TBXAS1: variants seen among roughly 807,000 people sequenced by gnomAD.
TBXAS1 encodes thromboxane-A synthase.
TBXAS1 carries 48 observed loss-of-function variants against 60.7 expected under a neutral mutation model. The ratio of observed to expected loss-of-function variants is 0.79; its 90% CI spans 0.63 to 1.01. The LOEUF (loss-of-function observed/expected upper bound fraction) is 1.01, where lower values mean the gene tolerates loss of function less well. Ranked by LOEUF, TBXAS1 falls within the 50% of genes least tolerant of loss-of-function variation. The pLI is 0.00. For synonymous variants in TBXAS1, 287 were observed against 269.7 expected, an observed-to-expected ratio of 1.06 and a Z score of -0.63; for missense variants, 685 against 686.3, an observed-to-expected ratio of 1.00 and a Z score of 0.02.
At chr7:139,992,047 C>T (rs566133381) in intron 9 of TBXAS1, among the ~76,000 whole-genome samples, 188 of 152,286 alleles carry the variant, frequency 1.2e-3, no homozygotes, top group African/African-American at 4.3e-3. Context: ...CCCCAACGCC[C>T]AGCCAAGGGA....
At chr7:139,888,882 T>C (rs533218061) in intron 3 of TBXAS1, among the ~76,000 whole-genome samples, 1 of 151,800 alleles carries the variant, frequency 6.6e-6, no homozygotes, top group Admixed American at 6.6e-5. Flanking sequence ...TAAAGAAAGT[T>C]GTGCAGGTAT....
intron 11 of TBXAS1, among the ~76,000 whole-genome samples, chr7:140,016,105 G>T (rs927599501): frequency 1.3e-5 from 2 of 152,122 alleles, no homozygotes; most frequent in Non-Finnish European, 2.9e-5. Context: ...AAGGTGGGCA[G>T]ATCACGAGGT....
At position 139,995,898 on chromosome 7, in the gene TBXAS1, C is replaced by T. The variant is rs576770855; in HGVS notation, c.1135-11193C>T. On this transcript the variant is annotated intron_variant, in intron 9 of 12. Coordinates refer to ENST00000448866, the MANE Select transcript of TBXAS1 (RefSeq NM_001061.7). ...TAGAAGCAGTCTGCCAGTCTCCCCT[C>T]GCTCCCTCTCATTCATCCCCTCTCT... Among the ~76,000 whole-genome samples the T allele has an allele frequency of 4.6e-5, 7 of 152,286 alleles. No homozygotes were observed. The South Asian group carries it at 1.0e-3, about 23-fold the overall frequency.
intron 1 of TBXAS1, among the ~76,000 whole-genome samples, chr7:139,856,925 G>A (rs756706660): frequency 2.6e-4 from 40 of 152,150 alleles, no homozygotes; most frequent in Admixed American, 5.2e-4. Flanking sequence ...CACCAATGGA[G>A]GCTTTGAAAA....
intron 9 of TBXAS1, among the ~76,000 whole-genome samples, chr7:139,963,676 C>T (rs933457859): frequency 2.0e-5 from 3 of 152,146 alleles, no homozygotes; most frequent in African/African-American, 7.2e-5. Flanking sequence ...GGAAGCGAGG[C>T]AATCTATTAG....
chr7:139,945,328 G>T (rs760979543), intron 5 of TBXAS1, among the ~76,000 whole-genome samples: 4 of 152,210 alleles, frequency 2.6e-5, no homozygotes, highest in Admixed American at 6.5e-5. Flanking sequence ...CCTTCATTTA[G>T]GGATGAGGAC....
chr7:139,955,398 G>C, intron 6 of TBXAS1, 61 bp from the exon 7 acceptor site: 1 of 1,610,110 alleles, frequency 6.2e-7, no homozygotes, highest in Non-Finnish European at 8.5e-7. Flanking sequence ...CTCTGGAGGG[G>C]GCCATTGTGG....
intron 4 of TBXAS1, among the ~76,000 whole-genome samples, chr7:139,813,322 C>G (rs1176820645): frequency 6.6e-6 from 1 of 152,134 alleles, no homozygotes; most frequent in African/African-American, 2.4e-5. Context: ...CCTCCACTGA[C>G]TACTGCAGAC....
chr7:139,872,105 A>T, intron 1 of TBXAS1, 130 bp from the exon 2 acceptor site: 2 of 910,708 alleles, frequency 2.2e-6, no homozygotes, highest in Admixed American at 2.0e-5. Context: ...TTTGGTTCTT[A>T]GATGTGGTGA....
intron 3 of TBXAS1, among the ~76,000 whole-genome samples, chr7:139,885,306 G>T (rs553774150): frequency 1.3e-5 from 2 of 152,302 alleles, no homozygotes; most frequent in Admixed American, 6.5e-5. Context: ...CTCAATTAAA[G>T]TTGCATAAAA....
At chr7:139,881,340 A>G (rs980650852) in intron 3 of TBXAS1, among the ~76,000 whole-genome samples, 2 of 152,098 alleles carry the variant, frequency 1.3e-5, no homozygotes, top group African/African-American at 4.8e-5. Context: ...TCCACCAAGG[A>G]TATTTTTTCA....
At chr7:139,813,605 G>C (rs1045375434) in intron 4 of TBXAS1, among the ~76,000 whole-genome samples, 1 of 152,138 alleles carries the variant, frequency 6.6e-6, no homozygotes, top group African/African-American at 2.4e-5. Flanking sequence ...TCGGACCTTT[G>C]GTTGGGTCCC....
chr7:139,816,542 C>T (rs1798153901), intron 4 of TBXAS1, among the ~76,000 whole-genome samples: 1 of 152,126 alleles, frequency 6.6e-6, no homozygotes, highest in Non-Finnish European at 1.5e-5. Context: ...TTCTAATGCA[C>T]AGGTAGGGTT....
intron 5 of TBXAS1, among the ~76,000 whole-genome samples, chr7:139,950,658 T>TCCCTCACCCTCCATCTACGGGATC (rs1809139101): frequency 2.4e-5 from 3 of 122,718 alleles, no homozygotes; most frequent in Non-Finnish European, 5.2e-5. Flanking sequence ...TCTACAGGAC[T>TCCCTCACCCTCCATCTACGGGATC]CCCTCACCCT....
chr7:140,014,156 C>A (rs758646388), intron 10 of TBXAS1, among the ~76,000 whole-genome samples: 2 of 152,076 alleles, frequency 1.3e-5, no homozygotes, highest in East Asian at 1.9e-4. Flanking sequence ...CAATGAGAGA[C>A]GAGAATCTAA....
chr7:139,984,662 GGAAAGAAAGAAGAAAAGAAGAA>G (rs1244649888), intron 9 of TBXAS1, among the ~76,000 whole-genome samples: 15 of 120,676 alleles, frequency 1.2e-4, no homozygotes, highest in African/African-American at 1.5e-4. Flanking sequence ...AAGGGAAGGG[GGAAAGAAAGAAGAAAAGAAGAA>G]GAAAGAAAGA....
rs893404218 is a variant in TBXAS1 at position 139,916,251 on chromosome 7, G to A, written c.333+4930G>A. On this transcript the variant is annotated intron_variant, in intron 4 of 12. Coordinates refer to ENST00000448866, the MANE Select transcript of TBXAS1 (RefSeq NM_001061.7). The surrounding 1 kb of genome is among the most constrained non-coding windows in gnomAD (Gnocchi z 4.2). ...TCTTGGCCTCCTATCAAGGCCTAGAGTTAGGGAGCTGTGGGAAGGGTGATA... is the reference window on the plus strand; with the variant it reads ...TCTTGGCCTCCTATCAAGGCCTAGAATTAGGGAGCTGTGGGAAGGGTGATA... 6.6e-6 allele frequency among the ~76,000 whole-genome samples: 1 copy of A among 152,164 alleles called. No individual in the cohort carries two copies. The highest frequency in any genetic ancestry group is 1.5e-5 in the Non-Finnish European group (1 of 68,032).
intron 3 of TBXAS1, among the ~76,000 whole-genome samples, chr7:139,894,774 T>G (rs1414046223): frequency 6.6e-6 from 1 of 152,188 alleles, no homozygotes; most frequent in Admixed American, 6.6e-5. Flanking sequence ...CCCCATGTCT[T>G]GAAGTGCTCA....
intron 3 of TBXAS1, among the ~76,000 whole-genome samples, chr7:139,900,772 G>A (rs913346249): frequency 2.6e-5 from 4 of 152,316 alleles, no homozygotes; most frequent in African/African-American, 9.6e-5. Flanking sequence ...AAAAATGGCT[G>A]CCATCAGCCC....
Sources: allele counts gnomAD v4.1 joint callset (sites outside exome capture counted in the v4.1 genomes callset), GRCh38; gene constraint gnomAD v4.1.1; non-coding constraint Gnocchi (gnomAD v3.1); transcripts MANE v1.5; gene names NCBI Gene and HGNC (gene_info 2026-07-23, HGNC 2026-07-21).